PIGU: variants seen among roughly 807,000 people sequenced by gnomAD.
PIGU encodes the protein phosphatidylinositol glycan anchor biosynthesis class U, also known as GPI-anchor transamidase component PIGU.
Under a neutral mutation model 49.9 loss-of-function variants are expected in PIGU, and 24 were observed. The observed-to-expected ratio is 0.48, with a 90% CI of 0.35 to 0.68. The LOEUF (loss-of-function observed/expected upper bound fraction) is 0.68, where lower values mean the gene tolerates loss of function less well. Among genes scored for constraint, PIGU ranks in the 30% least tolerant of loss-of-function variants. The pLI is 0.01. For missense variants in PIGU, 490 were observed against 532.6 expected, an observed-to-expected ratio of 0.92 and a Z score of 0.79; for synonymous variants, 220 against 205.7, an observed-to-expected ratio of 1.07 and a Z score of -0.59.
chr20:34,581,241 T>C (rs1983446739), intron 10 of PIGU, among the ~76,000 whole-genome samples: 1 of 152,198 alleles, frequency 6.6e-6, no homozygotes, highest in Admixed American at 6.5e-5. Context: ...CTCAGTTTTC[T>C]CATCTGCAAA....
At chr20:34,590,969 C>A (rs1367103047) in intron 7 of PIGU, among the ~76,000 whole-genome samples, 1 of 151,138 alleles carries the variant, frequency 6.6e-6, no homozygotes, top group South Asian at 2.1e-4. Context: ...TGCAGTGAGC[C>A]GAGATTGCAC....
At chr20:34,612,798 G>C (rs1016091194) in intron 7 of PIGU, among the ~76,000 whole-genome samples, 4 of 151,432 alleles carry the variant, frequency 2.6e-5, no homozygotes, top group African/African-American at 9.7e-5. Context: ...AATTTTTGTA[G>C]TTTTAGTAGA....
intron 2 of PIGU, among the ~76,000 whole-genome samples, chr20:34,650,968 C>A (rs1469986233): frequency 6.6e-6 from 1 of 151,896 alleles, no homozygotes; most frequent in Non-Finnish European, 1.5e-5. Context: ...CCAGCCTCGG[C>A]CTCCCAAAGT....
chr20:34,576,697 C>T (rs959145701), intron 10 of PIGU, among the ~76,000 whole-genome samples: 9 of 152,198 alleles, frequency 5.9e-5, no homozygotes, highest in African/African-American at 2.2e-4. Flanking sequence ...TCATATCTCA[C>T]TGAAGCCTCG....
At chr20:34,575,763 C>T (rs1983206669) in intron 10 of PIGU, among the ~76,000 whole-genome samples, 1 of 152,164 alleles carries the variant, frequency 6.6e-6, no homozygotes, top group South Asian at 2.1e-4. Context: ...AGGACCCCTG[C>T]CTCGCTCTTC....
intron 2 of PIGU, among the ~76,000 whole-genome samples, chr20:34,651,215 G>A (rs1253850513): frequency 1.3e-5 from 2 of 152,192 alleles, no homozygotes; most frequent in Admixed American, 6.5e-5. Context: ...TACTCCTAGA[G>A]TGTAGTCCTT....
At position 34,560,666 on chromosome 20, in the gene PIGU, A is replaced by AGTT; in HGVS notation, c.*197_*199dup. On this transcript the variant is annotated 3_prime_UTR_variant, in exon 12 of 12. Coordinates refer to ENST00000217446, the MANE Select transcript of PIGU (RefSeq NM_080476.5). The stretch of plus-strand genomic sequence containing the variant: ...TGCAGAGCCACAAGGTGGGGGTCCA[A>AGTT]GTTGGGGAGCTCCCAGTTCTTCCCC... 5 of 458,538 alleles carry AGTT rather than the reference A, an allele frequency of 1.1e-5. No individual in the cohort carries two copies. Among genetic ancestry groups the AGTT allele is most frequent in the Admixed American group, 4.1e-5 (1 of 24,566 alleles). The allele number at this position is 458,538 out of a possible 1,614,324, so 28.4% of individuals were successfully genotyped here. A position where few individuals can be genotyped will look rare whatever the true frequency, so the allele number is the denominator to read the frequency against.
chr20:34,581,707 A>G (rs1024638508), intron 9 of PIGU, 35 bp from the exon 10 acceptor site: 3 of 1,607,330 alleles, frequency 1.9e-6, no homozygotes, highest in Non-Finnish European at 2.6e-6. Context: ...GAGAGAGATG[A>G]GTCAGGGACC....
chr20:34,641,272 A>C (rs1986151232), intron 4 of PIGU, among the ~76,000 whole-genome samples: 1 of 152,088 alleles, frequency 6.6e-6, no homozygotes, highest in Admixed American at 6.5e-5. Context: ...GCATCCCCAA[A>C]AACTATGGTG....
intron 5 of PIGU, among the ~76,000 whole-genome samples, chr20:34,634,959 A>T (rs1985913253): frequency 6.6e-6 from 1 of 152,224 alleles, no homozygotes; most frequent in South Asian, 2.1e-4. Context: ...TAATCATCAC[A>T]GAGATCCTGT....
chr20:34,638,017 C>T, intron 4 of PIGU, 32 bp from the exon 5 acceptor site: 1 of 1,553,896 alleles, frequency 6.4e-7, no homozygotes, highest in Non-Finnish European at 8.6e-7. Context: ...AAAGATAAAA[C>T]ACATGAAACA....
chr20:34,644,088 T>C (rs1168443196), intron 4 of PIGU, 76 bp downstream of exon 4: 1 of 1,322,322 alleles, frequency 7.6e-7, no homozygotes, highest in African/African-American at 1.5e-5. Context: ...GATCCTTAAG[T>C]ATAAGATCTT....
At position 34,592,145 on chromosome 20, in the gene PIGU, C is replaced by T. The variant is rs374033954; in HGVS notation, c.628-3538G>A. Among the ~76,000 whole-genome samples the T allele has an allele frequency of 1.0e-4, 15 of 149,578 alleles. No homozygotes were observed. The East Asian group carries it at 1.4e-3, about 14-fold the overall frequency. ...TGGAGCTTGCAGTGAGCCGAGATCA[C>T]GCCACTGCACTCGAGCCTGGGTGAC... is the stretch of plus-strand genomic sequence containing the variant. On this transcript the variant is annotated intron_variant, in intron 7 of 11. Transcript: ENST00000217446.
chr20:34,642,376 A>AT (rs1358461741), intron 4 of PIGU, among the ~76,000 whole-genome samples: 1 of 152,058 alleles, frequency 6.6e-6, no homozygotes, highest in Non-Finnish European at 1.5e-5. Context: ...CTCCTGGCTA[A>AT]TTTTTTAAAG....
At chr20:34,637,427 T>C (rs1986002625) in intron 5 of PIGU, among the ~76,000 whole-genome samples, 1 of 152,220 alleles carries the variant, frequency 6.6e-6, no homozygotes, top group African/African-American at 2.4e-5. Context: ...GTCTTCCACA[T>C]GGGTCACCCA....
Position 34,668,867 on chromosome 20 carries a change from C to CTT in PIGU, c.130+8087_130+8088dup, listed in dbSNP as rs374136983. On this transcript the variant is annotated intron_variant, in intron 1 of 11. Transcript: ENST00000217446. ...AAAAATTAGTGAAAAAATGGTAAAA[C>CTT]TTTTTTTTTTTTTTTTTTTTTTTTT... Among the ~76,000 whole-genome samples the CTT allele has an allele frequency of 1.9e-3, 86 of 44,704 alleles. 5 individuals are homozygous for CTT. The highest frequency in any genetic ancestry group is 0.02 in the Middle Eastern group (1 of 50). The allele number at this position is 44,704 out of a possible 152,430, so 29.3% of individuals were successfully genotyped here.
At chr20:34,646,265 G>A (rs1204461715) in intron 2 of PIGU, among the ~76,000 whole-genome samples, 2 of 152,118 alleles carry the variant, frequency 1.3e-5, no homozygotes. Flanking sequence ...GTCAATTTAG[G>A]TAAGTTGTGT....
chr20:34,618,281 T>C (rs990777078), intron 6 of PIGU, among the ~76,000 whole-genome samples: 12 of 152,194 alleles, frequency 7.9e-5, no homozygotes, highest in Non-Finnish European at 1.6e-4. Flanking sequence ...AAAATAGCTA[T>C]TCCCTTTCAG....
rs114880486 is a variant in PIGU, at chr20:34,674,690, A to G, written c.130+2266T>C. ...GCCTGTAATCCCAGCACTTTGAGAG[A>G]CCCAGATGGGCGGATCACTTGAGCC... On this transcript the variant is annotated intron_variant, in intron 1 of 11. Coordinates refer to ENST00000217446, the MANE Select transcript of PIGU (RefSeq NM_080476.5). 8.2e-3 allele frequency among the ~76,000 whole-genome samples: 1,241 copies of G among 151,730 alleles called. 20 individuals carry two copies. Among genetic ancestry groups the G allele is most frequent in the African/African-American group, 0.029 (1,191 of 41,372 alleles).
Sources: gnomAD v4.1 joint callset for allele counts (sites outside exome capture counted in the v4.1 genomes callset) on GRCh38, gnomAD v4.1.1 for gene constraint, MANE v1.5 for transcripts, NCBI Gene and HGNC (gene_info 2026-07-23, HGNC 2026-07-21) for gene names.